The following ZNF280D variants were observed in gnomAD, a reference collection of about 807,000 sequenced individuals.
The protein encoded by ZNF280D is suppressor of hairy wing homolog 4.
ZNF280D carries 39 observed loss-of-function variants against 94.7 expected under a neutral mutation model. That is an observed-to-expected ratio of 0.41 (90% confidence interval 0.32 to 0.54). The LOEUF (loss-of-function observed/expected upper bound fraction) is 0.54, where lower values mean the gene tolerates loss of function less well. ZNF280D is among the 20% of genes least tolerant of loss of function. The pLI is 0.22. For synonymous variants in ZNF280D, 398 were observed against 377.6 expected (o/e 1.05, Z -0.63); for missense variants, 1,090 against 1,149.3 (o/e 0.95, Z 0.75).
intron 1 of ZNF280D, among the ~76,000 whole-genome samples, chr15:56,716,424 A>G (rs1174092770): frequency 6.6e-6 from 1 of 152,020 alleles, no homozygotes; most frequent in African/African-American, 2.4e-5. Flanking sequence ...GGATTCCATG[A>G]AGAAGGAACT....
chr15:56,732,623 T>A (rs912441353), intron 1 of ZNF280D: 3 of 151,914 alleles, frequency 2.0e-5, no homozygotes, highest in Admixed American at 6.6e-5. Flanking sequence ...TTTTAACAAA[T>A]CTTCGCAAAC....
chr15:56,641,349 G>A (rs2052618632), intron 20 of ZNF280D, among the ~76,000 whole-genome samples: 1 of 151,862 alleles, frequency 6.6e-6, no homozygotes, highest in South Asian at 2.1e-4. Flanking sequence ...TATCCATACA[G>A]ATAATCTGCA....
intron 3 of ZNF280D, 87 bp from the exon 4 acceptor site, chr15:56,704,354 G>A (rs2057272720): frequency 1.6e-6 from 2 of 1,289,932 alleles, no homozygotes; most frequent in African/African-American, 1.5e-5. Context: ...ATTTTAAGGT[G>A]TACTTTAATA....
intron 20 of ZNF280D, among the ~76,000 whole-genome samples, chr15:56,639,567 T>A (rs7179781): frequency 0.22 from 34,154 of 151,968 alleles, 3,996 homozygotes; most frequent in Middle Eastern, 0.35. Context: ...AAAAGTAACC[T>A]AAATACCAAG....
intron 15 of ZNF280D, 23 bp downstream of exon 15, chr15:56,666,656 G>T: frequency 6.4e-7 from 1 of 1,557,542 alleles, no homozygotes; most frequent in Non-Finnish European, 8.7e-7. Context: ...AAATTATATT[G>T]TATATCAGGA....
At chr15:56,710,833 A>G (rs1168984276) in intron 1 of ZNF280D, among the ~76,000 whole-genome samples, 1 of 152,168 alleles carries the variant, frequency 6.6e-6, no homozygotes, top group African/African-American at 2.4e-5. Context: ...TGTGCTATAT[A>G]CTAGATATAG....
chr15:56,668,766 C>T (rs1488755491), intron 14 of ZNF280D, 57 bp downstream of exon 14: 49 of 1,434,236 alleles, frequency 3.4e-5, no homozygotes, highest in Middle Eastern at 2.4e-4. Context: ...TAAAGCCGGG[C>T]AGGAGTTAAT....
intron 4 of ZNF280D, among the ~76,000 whole-genome samples, chr15:56,703,892 A>C (rs1352698036): frequency 6.6e-6 from 1 of 151,818 alleles, no homozygotes; most frequent in Non-Finnish European, 1.5e-5. Context: ...AACTCCATTA[A>C]AAATTATGAT....
chr15:56,664,058 T>C (rs28480089), intron 16 of ZNF280D, among the ~76,000 whole-genome samples: 62,016 of 151,994 alleles, frequency 0.41, 12,846 homozygotes, highest in Middle Eastern at 0.52. Context: ...TAATTTCACA[T>C]GGCTGTCAGG....
rs192900299 is a variant in ZNF280D, at chr15:56,630,497, G to A, written c.*1001C>T. The A allele has an allele frequency of 6.6e-6, 1 of 151,984 alleles. No individual in the cohort carries two copies. Among genetic ancestry groups the A allele is most frequent in the East Asian group, 1.9e-4 (1 of 5,184 alleles). 9.4% of individuals were successfully genotyped at this position (151,984 alleles called of 1,614,324 possible). A position where few individuals can be genotyped will look rare whatever the true frequency, so the allele number is the denominator to read the frequency against. On this transcript the variant is annotated 3_prime_UTR_variant, in exon 22 of 22. Coordinates refer to ENST00000267807, the MANE Select transcript of ZNF280D (RefSeq NM_017661.4). ...CAGTTCTTTTACATCACTGTTTTAG[G>A]TCCCATTTGAAGTTTTTATTTTACA...
intron 13 of ZNF280D, among the ~76,000 whole-genome samples, chr15:56,669,936 T>TTA (rs1555407587): frequency 5.1e-4 from 2 of 3,928 alleles, no homozygotes; most frequent in African/African-American, 2.2e-3. Context: ...TATATATATA[T>TTA]TATATATATA....
In ZNF280D at chr15:56,689,013, T is replaced by C. The variant is rs115696414; in HGVS notation, c.780+28A>G. On this transcript the variant is annotated intron_variant, in intron 9 of 21. Coordinates refer to ENST00000267807, the MANE Select transcript of ZNF280D (RefSeq NM_017661.4). ...TATTTTTAGAAATGTGCAAACTTTT[T>C]ACAAATTAAATTTTGAAAGAGTTTT... 3,901 of 1,511,724 alleles carry C rather than the reference T, an allele frequency of 2.6e-3. 87 individuals carry two copies. In the African/African-American group the frequency reaches 0.046, roughly 18 times the overall value. 93.6% of individuals were successfully genotyped at this position (1,511,724 alleles called of 1,614,324 possible).
chr15:56,646,002 G>A (rs2052869160), intron 19 of ZNF280D, among the ~76,000 whole-genome samples: 1 of 152,102 alleles, frequency 6.6e-6, no homozygotes, highest in Non-Finnish European at 1.5e-5. Context: ...TCTTTCTGAT[G>A]ACATTTAAAA....
intron 13 of ZNF280D, among the ~76,000 whole-genome samples, chr15:56,671,305 T>C (rs12906830): frequency 0.48 from 73,050 of 151,966 alleles, 19,450 homozygotes; most frequent in East Asian, 0.6. Flanking sequence ...TTTATAGTTT[T>C]AGGTTTTACA....
chr15:56,706,566 A>C (rs951482138), intron 3 of ZNF280D, among the ~76,000 whole-genome samples: 4 of 152,230 alleles, frequency 2.6e-5, no homozygotes. Flanking sequence ...TATGGCCCCC[A>C]GAAGAAATCA....
At chr15:56,640,747 T>C (rs902743451) in intron 20 of ZNF280D, among the ~76,000 whole-genome samples, 3 of 152,162 alleles carry the variant, frequency 2.0e-5, no homozygotes, top group Non-Finnish European at 2.9e-5. Context: ...TGGCTGGAAT[T>C]GTTTAAAATT....
chr15:56,717,247 G>A (rs1312045496), intron 1 of ZNF280D, among the ~76,000 whole-genome samples: 1 of 152,150 alleles, frequency 6.6e-6, no homozygotes, highest in African/African-American at 2.4e-5. Context: ...GTAAATAGAT[G>A]CTGGGTGGCA....
At chr15:56,665,347 A>G (rs1416468853) in intron 16 of ZNF280D, among the ~76,000 whole-genome samples, 4 of 152,326 alleles carry the variant, frequency 2.6e-5, no homozygotes, top group African/African-American at 9.6e-5. Context: ...ACTTTTGCCT[A>G]CTTAAAAAAA....
rs182437868 is a variant in ZNF280D at position 56,686,673 on chromosome 15, G to A, written c.780+2368C>T. Among the ~76,000 whole-genome samples the A allele has an allele frequency of 4.2e-3, 646 of 152,132 alleles. 2 individuals are homozygous for A. Among genetic ancestry groups the A allele is most frequent in the Non-Finnish European group, 6.7e-3 (456 of 67,980 alleles). ...AAATATCGAATTCCATACCCCAAAG[G>A]AGAAGTAATATACCTATTTTCAATC... is the stretch of plus-strand genomic sequence containing the variant. On this transcript the variant is annotated intron_variant, in intron 9 of 21. Coordinates refer to ENST00000267807, the MANE Select transcript of ZNF280D (RefSeq NM_017661.4).
Sources: allele counts gnomAD v4.1 joint callset (sites outside exome capture counted in the v4.1 genomes callset), GRCh38; gene constraint gnomAD v4.1.1; transcripts MANE v1.5; gene names NCBI Gene and HGNC (gene_info 2026-07-23, HGNC 2026-07-21).